The following TTC6 variants were observed in gnomAD, a reference collection of about 807,000 sequenced individuals.
The protein encoded by TTC6 is tetratricopeptide repeat domain 6, also known as tetratricopeptide repeat protein 6.
TTC6 carries 172 observed loss-of-function variants against 210.4 expected under a neutral mutation model. The ratio of observed to expected loss-of-function variants is 0.82; its 90% CI spans 0.72 to 0.93. The LOEUF is 0.93. TTC6 is among the 40% of genes least tolerant of loss of function. The pLI is 0.00. For synonymous variants in TTC6, 804 were observed against 819.6 expected, an observed-to-expected ratio of 0.98 and a Z score of 0.32; for missense variants, 2,414 against 2,318.1, an observed-to-expected ratio of 1.04 and a Z score of -0.85.
At chr14:37,827,159 T>C (rs772335442) in intron 28 of TTC6, 37 bp from the exon 31 acceptor site, 17 of 1,547,402 alleles carry the variant, frequency 1.1e-5, no homozygotes, top group Middle Eastern at 3.4e-4. Flanking sequence ...GTAAATACTA[T>C]TCCCCAATGT....
intron 1 of TTC6, among the ~76,000 whole-genome samples, chr14:37,629,706 C>G (rs8017925): frequency 0.032 from 4,871 of 152,220 alleles, 293 homozygotes; most frequent in African/African-American, 0.11. Flanking sequence ...GGAATGCTTC[C>G]AGCTTTTGCC....
chr14:37,666,802 G>T (rs2138445617), intron 1 of TTC6, among the ~76,000 whole-genome samples: 1 of 150,262 alleles, frequency 6.7e-6, no homozygotes, highest in South Asian at 2.1e-4. Context: ...GGGCTCTCAG[G>T]GTTCCAAAGT....
intron 7 of TTC6, among the ~76,000 whole-genome samples, chr14:37,730,246 G>A (rs538773382): frequency 1.1e-4 from 16 of 152,178 alleles, no homozygotes; most frequent in African/African-American, 3.4e-4. Flanking sequence ...ATTTTCACCT[G>A]TTATTCCTTC....
intron 1 of TTC6, among the ~76,000 whole-genome samples, chr14:37,631,271 G>T (rs1405483829): frequency 2.6e-5 from 4 of 151,982 alleles, no homozygotes; most frequent in Non-Finnish European, 5.9e-5. Flanking sequence ...TCCATACTAA[G>T]TGCTTCCTTC....
intron 6 of TTC6, among the ~76,000 whole-genome samples, chr14:37,721,882 A>G (rs1045494257): frequency 2.1e-5 from 3 of 144,700 alleles, no homozygotes; most frequent in Non-Finnish European, 4.5e-5. Flanking sequence ...ATATATGTAT[A>G]TATACACACA....
intron 7 of TTC6, among the ~76,000 whole-genome samples, chr14:37,727,518 C>CTCCTGA (rs1169276619): frequency 1.8e-5 from 2 of 110,030 alleles, no homozygotes; most frequent in Non-Finnish European, 3.7e-5. Flanking sequence ...TGGTCTTGAT[C>CTCCTGA]TCCTGACCTT....
chr14:37,806,311 A>AGTG lies in TTC6; in HGVS notation c.4165-50_4165-49insGTG, dbSNP rs1294322201. ...CTGTAATTCGTTAACATTTTAAAAC[A>AGTG]ATATATTATATCACTAAATGGTTTG... On this transcript the variant is annotated intron_variant, in intron 21 of 30. Coordinates refer to ENST00000553443, the Ensembl canonical transcript of TTC6. 18 of 1,472,472 alleles carry AGTG rather than the reference A, an allele frequency of 1.2e-5. No individual in the cohort carries two copies. In the African/African-American group the frequency reaches 2.5e-4, roughly 21 times the overall value. 91.2% of individuals were successfully genotyped at this position (1,472,472 alleles called of 1,614,324 possible).
chr14:37,603,438 C>G (rs1347855803), intron 1 of TTC6, among the ~76,000 whole-genome samples: 1 of 152,230 alleles, frequency 6.6e-6, no homozygotes, highest in African/African-American at 2.4e-5. Flanking sequence ...TGGTGGGTGG[C>G]TCAGCTCCAG....
rs2095609311 is a variant in TTC6 at position 37,598,697 on chromosome 14, C to A, written c.-235+2689C>A. On this transcript the variant is annotated intron_variant, in intron 1 of 2. Transcript: ENST00000556845. The surrounding 1 kb of genome is among the most constrained non-coding windows in gnomAD (Gnocchi z 4.9). ...GCCCCGGGCCCAGACGGCGGCCTCT[C>A]GCGGCGACAGGGTCCTTCCTATTTA... 6.6e-6 allele frequency among the ~76,000 whole-genome samples: 1 copy of A among 152,152 alleles called. No homozygotes were observed. Among genetic ancestry groups the A allele is most frequent in the African/African-American group, 2.4e-5 (1 of 41,452 alleles).
intron 25 of TTC6, among the ~76,000 whole-genome samples, chr14:37,815,553 G>T (rs752906808): frequency 3.1e-4 from 47 of 152,126 alleles, no homozygotes; most frequent in Non-Finnish European, 4.6e-4. Context: ...CTCCTGCTGT[G>T]ATTGAGATGT....
intron 7 of TTC6, among the ~76,000 whole-genome samples, chr14:37,725,981 A>C (rs1043910626): frequency 1.3e-5 from 2 of 152,180 alleles, no homozygotes; most frequent in African/African-American, 4.8e-5. Context: ...ATAAAACAAA[A>C]TAACCTATTA....
exon 16 of TTC6, chr14:37,790,731 G>A: frequency 6.5e-7 from 1 of 1,533,280 alleles, no homozygotes. Context: ...CATAAATGAT[G>A]GCTATGAGAA....
At chr14:37,643,224 C>G (rs2095695406) in intron 1 of TTC6, among the ~76,000 whole-genome samples, 1 of 152,172 alleles carries the variant, frequency 6.6e-6, no homozygotes, top group Non-Finnish European at 1.5e-5. Flanking sequence ...AGGAGAATCA[C>G]TTGAACTGGG....
chr14:37,688,766 G>A (rs757937475), intron 3 of TTC6, among the ~76,000 whole-genome samples: 5 of 152,202 alleles, frequency 3.3e-5, no homozygotes, highest in African/African-American at 4.8e-5. Flanking sequence ...GGGGTCCCCC[G>A]CCCTAAAGCA....
intron 1 of TTC6, among the ~76,000 whole-genome samples, chr14:37,652,205 C>T (rs1278532963): frequency 6.6e-6 from 1 of 152,086 alleles, no homozygotes; most frequent in East Asian, 1.9e-4. Flanking sequence ...TAGATTGAAC[C>T]ATATGAAATT....
chr14:37,601,871 C>T (rs536086128), intron 1 of TTC6, among the ~76,000 whole-genome samples: 1 of 152,136 alleles, frequency 6.6e-6, no homozygotes, highest in South Asian at 2.1e-4. Flanking sequence ...AGCATCCACA[C>T]CTTTCAATAG....
At chr14:37,686,830 G>A (rs1277724406) in intron 3 of TTC6, among the ~76,000 whole-genome samples, 2 of 152,122 alleles carry the variant, frequency 1.3e-5, no homozygotes, top group Non-Finnish European at 2.9e-5. Flanking sequence ...ACAACATGAG[G>A]GAATTATGGG....
At chr14:37,607,947 TACTA>T (rs1225329263) in intron 2 of TTC6, among the ~76,000 whole-genome samples, 2 of 152,234 alleles carry the variant, frequency 1.3e-5, no homozygotes, top group Non-Finnish European at 2.9e-5. Context: ...CACATACTCT[TACTA>T]ACTTTGTAAT....
At chr14:37,755,586 T>G (rs2095965174) in intron 14 of TTC6, among the ~76,000 whole-genome samples, 1 of 152,216 alleles carries the variant, frequency 6.6e-6, no homozygotes, top group Non-Finnish European at 1.5e-5. Flanking sequence ...CAGTTTCTGT[T>G]TTCTGCATAT....
Sources: gnomAD v4.1 joint callset for allele counts (sites outside exome capture counted in the v4.1 genomes callset) on GRCh38, gnomAD v4.1.1 for gene constraint, Gnocchi (gnomAD v3.1) non-coding constraint, MANE v1.5 for transcripts, NCBI Gene and HGNC (gene_info 2026-07-23, HGNC 2026-07-21) for gene names.